Variants in ABLIM2 observed in about 807,000 individuals in gnomAD.
ABLIM2 encodes actin-binding LIM protein 2.
Under a neutral mutation model 97.7 loss-of-function variants are expected in ABLIM2, and 53 were observed. The observed-to-expected ratio is 0.54, with a 90% CI of 0.44 to 0.68. The LOEUF (loss-of-function observed/expected upper bound fraction) is 0.68, where lower values mean the gene tolerates loss of function less well. Ranked by LOEUF, ABLIM2 falls within the 30% of genes least tolerant of loss-of-function variation. The probability of loss-of-function intolerance (pLI) is 0.00; values close to 1 mark genes in which losing one functional copy is unlikely to be tolerated. For missense variants in ABLIM2, 835 were observed against 867.2 expected (o/e 0.96, Z 0.47); for synonymous variants, 361 against 345.8 (o/e 1.04, Z -0.49).
chr4:7,968,917 G>A (rs1725298209), intron 20 of ABLIM2, among the ~76,000 whole-genome samples: 1 of 152,056 alleles, frequency 6.6e-6, no homozygotes, highest in Non-Finnish European at 1.5e-5. Flanking sequence ...GAGGCGTGTG[G>A]ATCACCTTAG....
At chr4:8,026,478 T>C (rs998579126) in intron 12 of ABLIM2, among the ~76,000 whole-genome samples, 3 of 152,236 alleles carry the variant, frequency 2.0e-5, no homozygotes, top group East Asian at 1.9e-4. Context: ...GAATGAACCC[T>C]GTTTGGTGAC....
intron 6 of ABLIM2, among the ~76,000 whole-genome samples, chr4:8,063,413 G>T (rs772169293): frequency 2.1e-4 from 32 of 152,382 alleles, no homozygotes; most frequent in Middle Eastern, 3.4e-3. Flanking sequence ...CACAGCAGCA[G>T]TGGCTATGGT....
intron 5 of ABLIM2, among the ~76,000 whole-genome samples, chr4:8,079,587 A>G (rs1818449165): frequency 6.6e-6 from 1 of 152,148 alleles, no homozygotes; most frequent in South Asian, 2.1e-4. Flanking sequence ...CAGATTCCCC[A>G]GCAGTTGTAA....
intron 1 of ABLIM2, among the ~76,000 whole-genome samples, chr4:8,152,354 G>A (rs777022087): frequency 3.9e-5 from 6 of 152,160 alleles, no homozygotes; most frequent in Non-Finnish European, 7.3e-5. Flanking sequence ...CACCAGACGG[G>A]ACTCGCAGGC....
intron 7 of ABLIM2, among the ~76,000 whole-genome samples, chr4:8,056,305 CTTTTT>C (rs71175456): frequency 1.6e-5 from 2 of 128,176 alleles, no homozygotes; most frequent in Non-Finnish European, 3.3e-5. Context: ...TTCTTTCTTT[CTTTTT>C]TTTTTTTTTT....
At chr4:8,053,984 C>G (rs557060096) in intron 8 of ABLIM2, among the ~76,000 whole-genome samples, 1 of 152,276 alleles carries the variant, frequency 6.6e-6, no homozygotes, top group African/African-American at 2.4e-5. Flanking sequence ...CAACAGAAAA[C>G]AAAGATGCCC....
intron 20 of ABLIM2, among the ~76,000 whole-genome samples, chr4:7,976,455 GT>G (rs1733119910): frequency 6.6e-6 from 1 of 152,148 alleles, no homozygotes; most frequent in African/African-American, 2.4e-5. Context: ...TGCACACCTG[GT>G]CATAAATGCC....
At position 8,085,873 on chromosome 4, in the gene ABLIM2, G is replaced by C. The variant is rs140910816; in HGVS notation, c.454+2296C>G. Among the ~76,000 whole-genome samples the C allele has an allele frequency of 3.1e-3, 473 of 152,314 alleles. 2 individuals are homozygous for C. Among genetic ancestry groups the C allele is most frequent in the Non-Finnish European group, 3.3e-3 (222 of 68,024 alleles). ...ACCTTGGACAGCCTCTAGTCCTAGT[G>C]GGGTGAGCTCACTTGCTTTGGAGTT... On this transcript the variant is annotated intron_variant, in intron 4 of 20. Transcript: ENST00000447017. The surrounding 1 kb of genome is among the most constrained non-coding windows in gnomAD (Gnocchi z 6.1).
At chr4:8,141,870 C>T (rs1011591714) in intron 1 of ABLIM2, among the ~76,000 whole-genome samples, 7 of 152,214 alleles carry the variant, frequency 4.6e-5, no homozygotes, top group Admixed American at 6.5e-5. Context: ...CCAAATGCTC[C>T]GCCTGCACTT....
intron 1 of ABLIM2, among the ~76,000 whole-genome samples, chr4:8,151,028 T>C (rs1227706851): frequency 6.6e-6 from 1 of 152,200 alleles, no homozygotes; most frequent in Non-Finnish European, 1.5e-5. Context: ...TCAGCATCTC[T>C]GAGTCTACAG....
rs1263566319 is a variant in ABLIM2, at chr4:8,061,633, T to G, written c.676-579A>C. Among the ~76,000 whole-genome samples the G allele has an allele frequency of 6.6e-6, 1 of 150,928 alleles. No individual in the cohort carries two copies. The highest frequency in any genetic ancestry group is 1.5e-5 in the Non-Finnish European group (1 of 67,880). The stretch of plus-strand genomic sequence containing the variant: ...CCCAAACAAACCACATTGCCTGGTT[T>G]GGCTTATTTTTGCCTGGAGCAAAAA... On this transcript the variant is annotated intron_variant, in intron 6 of 20. Coordinates refer to ENST00000447017, the MANE Select transcript of ABLIM2 (RefSeq NM_001130083.2). The surrounding 1 kb of genome is among the most constrained non-coding windows in gnomAD (Gnocchi z 4.5).
chr4:8,003,431 C>T lies in ABLIM2; in HGVS notation c.1618+4628G>A, dbSNP rs1228182064. On this transcript the variant is annotated intron_variant, in intron 16 of 20. Coordinates refer to ENST00000447017, the MANE Select transcript of ABLIM2 (RefSeq NM_001130083.2). The surrounding 1 kb of genome is among the most constrained non-coding windows in gnomAD (Gnocchi z 4.2). ...GTGGGTACTGAGGTTCGCTTTCTAC[C>T]CAATATACATCGCTTTCACGCCAGC... Among the ~76,000 whole-genome samples the T allele has an allele frequency of 6.6e-6, 1 of 152,124 alleles. No individual in the cohort carries two copies. The highest frequency in any genetic ancestry group is 1.5e-5 in the Non-Finnish European group (1 of 68,032).
At position 8,061,840 on chromosome 4, in the gene ABLIM2, G is replaced by C. The variant is rs1803302351; in HGVS notation, c.676-786C>G. On this transcript the variant is annotated intron_variant, in intron 6 of 20. Coordinates refer to ENST00000447017, the MANE Select transcript of ABLIM2 (RefSeq NM_001130083.2). This position sits in a 1 kb window ranked among gnomAD's most constrained non-coding sequence, Gnocchi z 4.5. Reference sequence around the variant, plus strand: ...CCTACATCTGAATTTATAATAACCAGTTTCCTGAATCAGTAAGTAAAGGGC... The same window carrying C: ...CCTACATCTGAATTTATAATAACCACTTTCCTGAATCAGTAAGTAAAGGGC... Among the ~76,000 whole-genome samples, 1 of 152,094 alleles carries C rather than the reference G, an allele frequency of 6.6e-6. No homozygotes were observed.
chr4:7,997,769 T>C (rs1219564147), intron 16 of ABLIM2, among the ~76,000 whole-genome samples: 1 of 152,232 alleles, frequency 6.6e-6, no homozygotes, highest in Non-Finnish European at 1.5e-5. Context: ...GTTTCTAAAC[T>C]ATTTGTAATT....
chr4:7,989,254 T>C (rs1746828278), intron 17 of ABLIM2, among the ~76,000 whole-genome samples: 1 of 152,082 alleles, frequency 6.6e-6, no homozygotes, highest in East Asian at 1.9e-4. Flanking sequence ...AATTTTTCTA[T>C]TTTTAGTAGA....
intron 10 of ABLIM2, 67 bp from the exon 11 acceptor site, chr4:8,029,843 C>G: frequency 1.1e-5 from 16 of 1,519,746 alleles, no homozygotes; most frequent in Non-Finnish European, 1.2e-5. Context: ...GTCCACCCAT[C>G]CCCCGACACC....
intron 4 of ABLIM2, among the ~76,000 whole-genome samples, chr4:8,086,957 G>A (rs950542913): frequency 1.3e-5 from 2 of 152,098 alleles, no homozygotes; most frequent in African/African-American, 4.8e-5. Context: ...CCCAAGGGAT[G>A]AAGGCTTTGC....
At chr4:7,984,399 C>T (rs34195013) in intron 18 of ABLIM2, among the ~76,000 whole-genome samples, 5 of 152,170 alleles carry the variant, frequency 3.3e-5, no homozygotes, top group Admixed American at 2.6e-4. Flanking sequence ...ACCTGCCACA[C>T]GACCAGGTGG....
At chr4:8,047,897 C>G (rs1184121473) in intron 8 of ABLIM2, among the ~76,000 whole-genome samples, 1 of 152,216 alleles carries the variant, frequency 6.6e-6, no homozygotes, top group Non-Finnish European at 1.5e-5. Context: ...CTCTGCAAAG[C>G]AGATGAACAT....
Sources: allele counts gnomAD v4.1 joint callset (sites outside exome capture counted in the v4.1 genomes callset), GRCh38; gene constraint gnomAD v4.1.1; non-coding constraint Gnocchi (gnomAD v3.1); transcripts MANE v1.5; gene names NCBI Gene and HGNC (gene_info 2026-07-23, HGNC 2026-07-21).